Variants in LSAMP observed in about 807,000 individuals in gnomAD.
LSAMP encodes limbic system associated membrane protein, also known as limbic system-associated membrane protein.
A neutral mutation model predicts 38.6 loss-of-function variants in LSAMP; 7 were observed. The observed-to-expected ratio is 0.18, with a 90% CI of 0.10 to 0.34. LSAMP has a LOEUF of 0.34. Ranked by LOEUF, LSAMP falls within the 10% of genes least tolerant of loss-of-function variation. LSAMP has a pLI of 1.00. For missense variants in LSAMP, 313 were observed against 420.0 expected (o/e 0.75, Z 2.23); for synonymous variants, 154 against 166.8 (o/e 0.92, Z 0.59).
chr3:115,839,017 G>A (rs892320347), intron 6 of LSAMP, among the ~76,000 whole-genome samples: 5 of 152,108 alleles, frequency 3.3e-5, no homozygotes, highest in Admixed American at 6.5e-5. Context: ...AGAGCACCCC[G>A]CTGCCCACAC....
intron 1 of LSAMP, among the ~76,000 whole-genome samples, chr3:116,164,583 AT>A (rs1709985568): frequency 9.9e-6 from 1 of 101,458 alleles, no homozygotes; most frequent in Non-Finnish European, 2.0e-5. Flanking sequence ...ATATATATAT[AT>A]ATATATATAT....
intron 1 of LSAMP, among the ~76,000 whole-genome samples, chr3:116,305,593 C>T (rs2047472048): frequency 6.6e-6 from 1 of 151,408 alleles, no homozygotes. Context: ...GAAAAAAATA[C>T]AGAAAGAAAA....
chr3:116,345,266 T>C (rs1337730785), intron 1 of LSAMP, among the ~76,000 whole-genome samples: 2 of 152,202 alleles, frequency 1.3e-5, no homozygotes, highest in East Asian at 1.9e-4. Flanking sequence ...CAACTGAGTA[T>C]GAGATATCAA....
chr3:116,089,726 T>C (rs151109210), intron 1 of LSAMP, among the ~76,000 whole-genome samples: 1,878 of 152,110 alleles, frequency 0.012, 29 homozygotes, highest in Non-Finnish European at 0.018. Flanking sequence ...CAATACAGTA[T>C]AGTGTTTTTA....
intron 6 of LSAMP, among the ~76,000 whole-genome samples, chr3:115,820,532 A>G (rs1934196898): frequency 1.3e-5 from 2 of 152,170 alleles, no homozygotes; most frequent in Admixed American, 1.3e-4. Context: ...GCCTCGAGAC[A>G]TTTATTTAAG....
intron 1 of LSAMP, among the ~76,000 whole-genome samples, chr3:116,263,025 GTCAC>G (rs1255211955): frequency 1.3e-5 from 2 of 152,166 alleles, no homozygotes; most frequent in African/African-American, 4.8e-5. Context: ...GTTGAGCTCT[GTCAC>G]TCTACCTACT....
In LSAMP at chr3:116,256,161, T is replaced by C. The variant is rs1316943292; in HGVS notation, c.156-169605A>G. On this transcript the variant is annotated intron_variant, in intron 1 of 6. Coordinates refer to ENST00000490035, the MANE Select transcript of LSAMP (RefSeq NM_002338.5). ...AGCAAAAGAAGGTTAAAAAATTAAT[T>C]ACGAAATTGTATGCCTCCCTGGTTC... Among the ~76,000 whole-genome samples the C allele has an allele frequency of 2.0e-5, 3 of 152,224 alleles. No homozygotes were observed. In the South Asian group the frequency reaches 6.2e-4, roughly 32 times the overall value.
chr3:116,323,678 A>C (rs2047735634), intron 1 of LSAMP, among the ~76,000 whole-genome samples: 2 of 152,094 alleles, frequency 1.3e-5, no homozygotes, highest in Non-Finnish European at 2.9e-5. Flanking sequence ...ATCTTTTTCC[A>C]CCTAAGATCT....
At chr3:116,432,630 G>A (rs552329426) in intron 1 of LSAMP, among the ~76,000 whole-genome samples, 4 of 151,860 alleles carry the variant, frequency 2.6e-5, no homozygotes, top group Non-Finnish European at 5.9e-5. Flanking sequence ...TCTTCTTCTT[G>A]TGAATGTAGC....
rs571107616 is a variant in LSAMP at position 116,245,573 on chromosome 3, C to T, written c.156-159017G>A. Among the ~76,000 whole-genome samples the T allele has an allele frequency of 2.4e-4, 37 of 152,178 alleles. 1 individual carries two copies. In the South Asian group the frequency reaches 7.3e-3, roughly 30 times the overall value. On this transcript the variant is annotated intron_variant, in intron 1 of 6. Transcript: ENST00000490035. ...AAACTATATACAATTTCTCACTTTC[C>T]CCCAAACATGCCAGAATTTTCATGA...
At chr3:115,859,974 A>T (rs190590393) in intron 3 of LSAMP, among the ~76,000 whole-genome samples, 2 of 152,298 alleles carry the variant, frequency 1.3e-5, no homozygotes, top group East Asian at 1.9e-4. Flanking sequence ...CCCTATATTT[A>T]GTTCTCTGAA....
intron 1 of LSAMP, among the ~76,000 whole-genome samples, chr3:116,318,462 C>A (rs1213411341): frequency 1.3e-5 from 2 of 152,162 alleles, no homozygotes; most frequent in East Asian, 3.9e-4. Flanking sequence ...TCCTTACTGC[C>A]ATTCACTACT....
At chr3:116,388,043 GT>G (rs1477084578) in intron 1 of LSAMP, among the ~76,000 whole-genome samples, 2 of 152,238 alleles carry the variant, frequency 1.3e-5, no homozygotes, top group East Asian at 3.9e-4. Flanking sequence ...GGCGGAGCTT[GT>G]GTAAAAATAA....
chr3:116,354,845 A>ATGTGTGTGTGTG lies in LSAMP; in HGVS notation c.155+90020_155+90031dup, dbSNP rs56975134. Among the ~76,000 whole-genome samples the ATGTGTGTGTGTG allele has an allele frequency of 3.0e-3, 445 of 146,418 alleles. 3 individuals carry two copies. Among genetic ancestry groups the ATGTGTGTGTGTG allele is most frequent in the African/African-American group, 0.011 (422 of 39,816 alleles). On this transcript the variant is annotated intron_variant, in intron 1 of 6. Coordinates refer to ENST00000490035, the MANE Select transcript of LSAMP (RefSeq NM_002338.5). ...TCTGTCTCTCTCTCTGGGTGTATATATGTGTGTGTGTGTGTGTGTGTGTGT... is the reference window on the plus strand; with the variant it reads ...TCTGTCTCTCTCTCTGGGTGTATATATGTGTGTGTGTGTGTGTGTGTGTGTGTGTGTGTGTGT...
At chr3:116,267,709 G>C (rs748105854) in intron 1 of LSAMP, among the ~76,000 whole-genome samples, 1 of 151,796 alleles carries the variant, frequency 6.6e-6, no homozygotes, top group Non-Finnish European at 1.5e-5. Context: ...CTGTTCGTCT[G>C]TTTTTTAGAC....
intron 1 of LSAMP, among the ~76,000 whole-genome samples, chr3:116,415,932 A>T (rs1369319589): frequency 1.3e-5 from 2 of 152,158 alleles, no homozygotes; most frequent in African/African-American, 4.8e-5. Flanking sequence ...TAAATTGTAT[A>T]CATTTTAAAA....
intron 2 of LSAMP, among the ~76,000 whole-genome samples, chr3:116,064,140 A>C (rs1417539688): frequency 1.3e-5 from 2 of 152,132 alleles, no homozygotes; most frequent in African/African-American, 4.8e-5. Context: ...CCTCTTTAAC[A>C]TCATAAGCAT....
chr3:116,357,630 C>T (rs531165895), intron 1 of LSAMP, among the ~76,000 whole-genome samples: 1 of 152,242 alleles, frequency 6.6e-6, no homozygotes, highest in East Asian at 1.9e-4. Flanking sequence ...ATACAGAGTA[C>T]ACTCCTCAAA....
chr3:116,330,665 T>A (rs1322652534), intron 1 of LSAMP, among the ~76,000 whole-genome samples: 2 of 152,040 alleles, frequency 1.3e-5, no homozygotes, highest in Non-Finnish European at 2.9e-5. Context: ...TGACAGCACA[T>A]GCCCAGGCAA....
Sources: gnomAD v4.1 joint callset for allele counts (sites outside exome capture counted in the v4.1 genomes callset) on GRCh38, gnomAD v4.1.1 for gene constraint, MANE v1.5 for transcripts, NCBI Gene and HGNC (gene_info 2026-07-23, HGNC 2026-07-21) for gene names.